ABCA5: variants seen among roughly 807,000 people sequenced by gnomAD.
The protein encoded by ABCA5 is cholesterol transporter ABCA5.
A neutral mutation model predicts 206.0 loss-of-function variants in ABCA5; 163 were observed. The ratio of observed to expected loss-of-function variants is 0.79; its 90% CI spans 0.70 to 0.90. ABCA5 has a LOEUF of 0.90. Ranked by LOEUF, ABCA5 falls within the 40% of genes least tolerant of loss-of-function variation. The probability of loss-of-function intolerance (pLI) is 0.00; values close to 1 mark genes in which losing one functional copy is unlikely to be tolerated. For synonymous variants in ABCA5, 609 were observed against 613.8 expected (o/e 0.99, Z 0.11); for missense variants, 1,859 against 1,912.9 (o/e 0.97, Z 0.53).
chr17:69,277,007 C>T (rs1466124375), intron 19 of ABCA5, among the ~76,000 whole-genome samples: 2 of 152,058 alleles, frequency 1.3e-5, no homozygotes, highest in Non-Finnish European at 2.9e-5. Flanking sequence ...ACATTTTGGA[C>T]TTAACAAGAT....
intron 23 of ABCA5, among the ~76,000 whole-genome samples, chr17:69,265,690 A>T (rs1463692110): frequency 6.6e-6 from 1 of 152,176 alleles, no homozygotes; most frequent in Non-Finnish European, 1.5e-5. Flanking sequence ...AAGAGGAGAA[A>T]TGAACAAAAT....
chr17:69,264,642 C>T, intron 24 of ABCA5, 93 bp downstream of exon 24: 1 of 893,906 alleles, frequency 1.1e-6, no homozygotes, highest in Admixed American at 3.5e-5. Context: ...AATTAATAAC[C>T]AAATTATGCA....
At chr17:69,278,383 G>A (rs1156894608) in intron 18 of ABCA5, among the ~76,000 whole-genome samples, 2 of 152,016 alleles carry the variant, frequency 1.3e-5, no homozygotes, top group Non-Finnish European at 2.9e-5. Context: ...GATCATACAC[G>A]AGACTTCTCT....
At chr17:69,318,841 CT>C in intron 1 of ABCA5, 1 of 703,824 alleles carries the variant, frequency 1.4e-6, no homozygotes, top group Non-Finnish European at 2.7e-6. Context: ...GATTTGATCC[CT>C]TTATGAATCT....
intron 38 of ABCA5, 90 bp downstream of exon 38, chr17:69,248,172 A>T: frequency 2.7e-6 from 2 of 729,990 alleles, no homozygotes; most frequent in Non-Finnish European, 2.3e-6. Context: ...CTGGTTTACG[A>T]TATCTCTCCC....
chr17:69,260,501 T>C, intron 26 of ABCA5, 89 bp from the exon 27 acceptor site: 1 of 881,476 alleles, frequency 1.1e-6, no homozygotes, highest in South Asian at 1.7e-5. Flanking sequence ...TTAGCAAACG[T>C]GTACTTTCTA....
intron 7 of ABCA5, 34 bp downstream of exon 7, chr17:69,304,635 G>A: frequency 6.7e-7 from 1 of 1,487,336 alleles, no homozygotes; most frequent in East Asian, 2.4e-5. Context: ...CATTTTGACA[G>A]TTCTTTATTC....
At chr17:69,301,061 T>A in intron 9 of ABCA5, 78 bp downstream of exon 9, 1 of 1,311,890 alleles carries the variant, frequency 7.6e-7, no homozygotes. Context: ...GGAAAAAAAA[T>A]CTTAAAATTA....
At chr17:69,318,669 A>G in intron 1 of ABCA5, 3 of 422,618 alleles carry the variant, frequency 7.1e-6, no homozygotes, top group Non-Finnish European at 1.3e-5. Context: ...AATAGAAGAT[A>G]CATTAAAATA....
intron 9 of ABCA5, 91 bp downstream of exon 9, chr17:69,301,048 T>C: frequency 3.3e-6 from 4 of 1,207,222 alleles, no homozygotes; most frequent in Non-Finnish European, 4.5e-6. Context: ...GGTACCCTGG[T>C]TAGGAAAAAA....
rs747646887 is a variant in ABCA5, at chr17:69,304,792, T to C, written c.807A>G (p.Leu269=). ...ACATAAGAAAAATTAAACTTGTATA[T>C]AGAAGAACCCAGGAAAGCCTAAAAT... ...DTAFWLSWVL[L]YTSLIFLMSL... is the part of the protein sequence containing the mutation. The change falls in exon 7 of 39, where the codon CTA becomes CTG. Residue 269 remains leucine, a synonymous_variant. Transcript: ENST00000392676. 11 of 1,600,848 alleles carry C rather than the reference T, an allele frequency of 6.9e-6. No homozygotes were observed. Among genetic ancestry groups the C allele is most frequent in the South Asian group, 2.3e-5 (2 of 88,194 alleles).
chr17:69,308,291 C>A lies in ABCA5; in HGVS notation c.547G>T (p.Ala183Ser), dbSNP rs1438236405. Residue 183 changes from alanine (A) to serine (S), a missense_variant, in exon 5 of 39, where the codon GCC becomes TCC. By Grantham distance (99) the Ala-to-Ser change is moderately conservative. Coordinates refer to ENST00000392676, the MANE Select transcript of ABCA5 (RefSeq NM_172232.4). The stretch of plus-strand genomic sequence containing the variant: ...TTTATCATATTTACCTGTATAATGG[C>A]AGCATCTATGGATGCTTGTAAAACT... ...FTVLQASIDA[A>S]IIQLKTNVSL... 9.4e-6 allele frequency: 15 copies of A among 1,595,948 alleles called. No individual in the cohort carries two copies. Among genetic ancestry groups the A allele is most frequent in the Non-Finnish European group, 1.3e-5 (15 of 1,164,708 alleles).
chr17:69,250,409 T>C (rs1199873895), intron 36 of ABCA5, 63 bp downstream of exon 36: 2 of 1,445,428 alleles, frequency 1.4e-6, no homozygotes, highest in African/African-American at 2.9e-5. Context: ...TAATCCTTAA[T>C]ATAATAACTT....
chr17:69,317,700 T>C (rs1432248448), intron 1 of ABCA5: 1 of 152,232 alleles, frequency 6.6e-6, no homozygotes, highest in East Asian at 1.9e-4. Context: ...TCTAAATCAT[T>C]GTACCTATCA....
At chr17:69,294,526 AAAAT>A in intron 11 of ABCA5, 125 bp downstream of exon 11, 1 of 884,342 alleles carries the variant, frequency 1.1e-6, no homozygotes, top group Non-Finnish European at 1.7e-6. Context: ...CATCTCAAAA[AAAAT>A]AAAATAAAAT....
Position 69,294,660 on chromosome 17 carries a change from A to G in ABCA5, c.1490T>C (p.Leu497Ser). The G allele has an allele frequency of 1.2e-6, 2 of 1,604,698 alleles. No individual in the cohort carries two copies. The highest frequency in any genetic ancestry group is 1.7e-6 in the Non-Finnish European group (2 of 1,172,998). The change falls in exon 11 of 39, where the codon TTG becomes TCG. Residue 497 changes from leucine (L) to serine (S), a missense_variant. By Grantham distance (145) the Leu-to-Ser change is moderately radical. Coordinates refer to ENST00000392676, the MANE Select transcript of ABCA5 (RefSeq NM_172232.4). ...ATACTAGGAAAACTACTTACTTCTCAAAGCCTCCACATTTTCACCCTTCTT... is the reference window on the plus strand; with the variant it reads ...ATACTAGGAAAACTACTTACTTCTCGAAGCCTCCACATTTTCACCCTTCTT... The part of the protein sequence containing the change: ...YRKKGENVEA[L>S]RNLSFDIYEG...
chr17:69,307,027 A>G (rs2075725216), intron 5 of ABCA5, 73 bp from the exon 6 acceptor site: 21 of 1,078,500 alleles, frequency 1.9e-5, no homozygotes, highest in Non-Finnish European at 2.7e-5. Context: ...CGGGACAGCT[A>G]TATCCCTAAA....
At chr17:69,317,123 G>A (rs1472403602) in intron 1 of ABCA5, 1 of 152,190 alleles carries the variant, frequency 6.6e-6, no homozygotes, top group African/African-American at 2.4e-5. Context: ...GTGGCTAGGT[G>A]CAGTGGCTCA....
chr17:69,303,109 T>C (rs555920193), intron 7 of ABCA5, among the ~76,000 whole-genome samples: 6 of 152,246 alleles, frequency 3.9e-5, no homozygotes, highest in African/African-American at 1.4e-4. Context: ...ACAAATATTT[T>C]TGTGTTTTTG....
Sources: gnomAD v4.1 joint callset for allele counts (sites outside exome capture counted in the v4.1 genomes callset) on GRCh38, gnomAD v4.1.1 for gene constraint, MANE v1.5 for transcripts, NCBI Gene and HGNC (gene_info 2026-07-23, HGNC 2026-07-21) for gene names.